Variants in PAX5 observed in about 807,000 individuals in gnomAD.
PAX5 encodes the protein paired box 5, also known as paired box protein Pax-5.
Under a neutral mutation model 43.7 loss-of-function variants are expected in PAX5, and 9 were observed. The observed-to-expected ratio is 0.21, with a 90% CI of 0.12 to 0.36. The LOEUF is 0.36. PAX5 is among the 10% of genes least tolerant of loss of function. The pLI is 1.00. For synonymous variants in PAX5, 228 were observed against 214.3 expected, an observed-to-expected ratio of 1.06 and a Z score of -0.56; for missense variants, 383 against 532.7, an observed-to-expected ratio of 0.72 and a Z score of 2.77.
chr9:36,888,549 C>A (rs148154797), intron 7 of PAX5, among the ~76,000 whole-genome samples: 15 of 152,258 alleles, frequency 9.9e-5, no homozygotes, highest in African/African-American at 3.6e-4. Context: ...TGAATATATT[C>A]ATACAAATGT....
chr9:36,866,650 CT>C lies in PAX5; in HGVS notation c.1012+15353del, dbSNP rs1266979298. Among the ~76,000 whole-genome samples, 4 of 152,034 alleles carry C rather than the reference CT, an allele frequency of 2.6e-5. No individual in the cohort carries two copies. The East Asian group carries it at 7.7e-4, about 29-fold the overall frequency. Reference sequence around the variant, plus strand: ...ACAAGGACAGGAGACAAAATAGCTTCTTTTTTATTGCTTCGGTGAGGAACTG... The same window carrying C: ...ACAAGGACAGGAGACAAAATAGCTTCTTTTTATTGCTTCGGTGAGGAACTG... On this transcript the variant is annotated intron_variant, in intron 8 of 9. Transcript: ENST00000358127.
intron 6 of PAX5, among the ~76,000 whole-genome samples, chr9:36,926,622 T>C (rs1158079003): frequency 6.6e-6 from 1 of 152,242 alleles, no homozygotes; most frequent in Non-Finnish European, 1.5e-5. Flanking sequence ...CATTGCTGTG[T>C]GCAAAGACGG....
At chr9:36,929,154 G>A (rs776993905) in intron 6 of PAX5, among the ~76,000 whole-genome samples, 12 of 151,890 alleles carry the variant, frequency 7.9e-5, no homozygotes, top group Non-Finnish European at 1.5e-4. Context: ...GCCACCTCAA[G>A]TTCTTTGTGA....
At chr9:36,890,120 A>T (rs1237863421) in intron 7 of PAX5, among the ~76,000 whole-genome samples, 1 of 152,152 alleles carries the variant, frequency 6.6e-6, no homozygotes, top group Non-Finnish European at 1.5e-5. Flanking sequence ...TGCAGAATTC[A>T]TTACCCTGAC....
chr9:36,859,014 G>A (rs1188160177), intron 8 of PAX5, among the ~76,000 whole-genome samples: 2 of 152,162 alleles, frequency 1.3e-5, no homozygotes, highest in Non-Finnish European at 2.9e-5. Context: ...GCCTCACCAA[G>A]TGTCTGCGAG....
At chr9:36,941,939 G>C (rs1260948749) in intron 6 of PAX5, among the ~76,000 whole-genome samples, 1 of 152,230 alleles carries the variant, frequency 6.6e-6, no homozygotes, top group Non-Finnish European at 1.5e-5. Context: ...AAAAGAGCTT[G>C]TACTTGAACT....
intron 5 of PAX5, among the ~76,000 whole-genome samples, chr9:37,001,592 C>T (rs1004623526): frequency 1.3e-5 from 2 of 152,198 alleles, no homozygotes; most frequent in African/African-American, 2.4e-5. Flanking sequence ...CCGAGGCCAC[C>T]GGCTCTGCTT....
At chr9:36,854,783 A>C (rs1337152393) in intron 8 of PAX5, among the ~76,000 whole-genome samples, 1 of 152,212 alleles carries the variant, frequency 6.6e-6, no homozygotes, top group Non-Finnish European at 1.5e-5. Context: ...CTCTCCCACC[A>C]GCTCAGGCCA....
At chr9:37,012,576 C>T (rs1839033707) in intron 3 of PAX5, among the ~76,000 whole-genome samples, 1 of 152,360 alleles carries the variant, frequency 6.6e-6, no homozygotes, top group East Asian at 1.9e-4. Context: ...AGGCAGAAAA[C>T]ATCAGCGGGC....
chr9:36,982,570 T>TG (rs1252726072), intron 5 of PAX5, among the ~76,000 whole-genome samples: 2 of 151,918 alleles, frequency 1.3e-5, no homozygotes, highest in Admixed American at 6.6e-5. Flanking sequence ...TGCAGGAGGA[T>TG]GGGGGGTCCT....
chr9:36,973,798 G>T (rs1383596126), intron 5 of PAX5, among the ~76,000 whole-genome samples: 2 of 152,180 alleles, frequency 1.3e-5, no homozygotes, highest in Non-Finnish European at 2.9e-5. Context: ...CTGAGGTCAG[G>T]AGTTCAAGAC....
chr9:37,020,674 A>C lies in PAX5; in HGVS notation c.174T>G (p.Leu58=), dbSNP rs1476899684. The C allele has an allele frequency of 1.2e-6, 2 of 1,614,084 alleles. No homozygotes were observed. The highest frequency in any genetic ancestry group is 1.7e-6 in the Non-Finnish European group (2 of 1,180,038). Residue 58 remains leucine (L), a synonymous_variant, in exon 2 of 10, where the codon CTT becomes CTG. Coordinates refer to ENST00000358127, the MANE Select transcript of PAX5 (RefSeq NM_016734.3). ...TGCTGACACAACCATGGCTGACCCG[A>C]AGCTGCCTGGAGATGTCGCAGGGCC... ...GVRPCDISRQ[L]RVSHGCVSKI... is the part of the protein sequence containing the mutation.
At chr9:36,922,750 C>T (rs1830276677) in intron 7 of PAX5, 1 of 152,810 alleles carries the variant, frequency 6.5e-6, no homozygotes, top group Non-Finnish European at 1.5e-5. Flanking sequence ...AGCCACAGCC[C>T]AGAACGCATA....
At chr9:36,967,962 T>A (rs10814485) in intron 5 of PAX5, among the ~76,000 whole-genome samples, 112,528 of 152,066 alleles carry the variant, frequency 0.74, 42,007 homozygotes, top group South Asian at 0.87. Context: ...ATGAAATATC[T>A]TCTGTTGAGT....
chr9:37,009,087 C>G (rs961961911), intron 3 of PAX5, among the ~76,000 whole-genome samples: 27 of 152,208 alleles, frequency 1.8e-4, no homozygotes, highest in African/African-American at 6.3e-4. Context: ...CTTTTCAAAT[C>G]ATTGTCTGAC....
rs749720390 is a variant in PAX5 at position 36,882,145 on chromosome 9, C to T, written c.911-40G>A. On this transcript the variant is annotated intron_variant, in intron 7 of 9. Transcript: ENST00000358127. This position sits in a 1 kb window ranked among gnomAD's most constrained non-coding sequence, Gnocchi z 4.4. The stretch of plus-strand genomic sequence containing the variant: ...CAACAAATCACAGGGTGAGCATCTT[C>T]GCGGCCAGCCGCTCATGTCCACAGC... The T allele has an allele frequency of 5.4e-6, 8 of 1,480,086 alleles. No individual in the cohort carries two copies. The highest frequency in any genetic ancestry group is 1.3e-5 in the South Asian group (1 of 77,674). The allele number at this position is 1,480,086 out of a possible 1,614,324, so 91.7% of individuals were successfully genotyped here.
chr9:36,862,546 G>A (rs988658231), intron 8 of PAX5, among the ~76,000 whole-genome samples: 3 of 152,158 alleles, frequency 2.0e-5, no homozygotes, highest in Admixed American at 6.5e-5. Context: ...AGGCTGGCAC[G>A]TGGATCCATC....
intron 8 of PAX5, among the ~76,000 whole-genome samples, chr9:36,849,509 T>A (rs908693638): frequency 3.3e-5 from 5 of 152,196 alleles, no homozygotes; most frequent in South Asian, 4.1e-4. Context: ...GAATAATTAT[T>A]TGTTGAATGA....
At chr9:36,995,540 G>A (rs1484198962) in intron 5 of PAX5, among the ~76,000 whole-genome samples, 10 of 152,152 alleles carry the variant, frequency 6.6e-5, no homozygotes, top group Non-Finnish European at 5.9e-5. Context: ...TGGGGATGGC[G>A]GACGGCCCTG....
Sources: gnomAD v4.1 joint callset for allele counts (sites outside exome capture counted in the v4.1 genomes callset) on GRCh38, gnomAD v4.1.1 for gene constraint, Gnocchi (gnomAD v3.1) non-coding constraint, MANE v1.5 for transcripts, NCBI Gene and HGNC (gene_info 2026-07-23, HGNC 2026-07-21) for gene names.